The following ITGBL1 variants were observed in gnomAD, a reference collection of about 807,000 sequenced individuals.
ITGBL1 encodes integrin subunit beta like 1.
In ITGBL1, 51 loss-of-function variants were observed where a neutral mutation model predicts 68.5. That is an observed-to-expected ratio of 0.74 (90% CI 0.59 to 0.94). The LOEUF is 0.94. ITGBL1 is among the 40% of genes least tolerant of loss of function. The pLI, the probability that ITGBL1 is intolerant of heterozygous loss-of-function variation, is 0.00. For synonymous variants in ITGBL1, 209 were observed against 227.3 expected, an observed-to-expected ratio of 0.92 and a Z score of 0.72; for missense variants, 649 against 647.4, an observed-to-expected ratio of 1.00 and a Z score of -0.03.
chr13:101,708,240 A>C (rs888065190), intron 9 of ITGBL1, among the ~76,000 whole-genome samples: 3 of 152,176 alleles, frequency 2.0e-5, no homozygotes, highest in Admixed American at 6.5e-5. Context: ...TTTGCTAGTG[A>C]CTAGGAAGAC....
chr13:101,563,485 A>G (rs74372176), intron 2 of ITGBL1, among the ~76,000 whole-genome samples: 6 of 151,898 alleles, frequency 4.0e-5, no homozygotes, highest in African/African-American at 7.2e-5. Context: ...AACACTATGC[A>G]TGTTAAAAAG....
chr13:101,490,095 G>T (rs1276704089), intron 2 of ITGBL1: 7 of 793,992 alleles, frequency 8.8e-6, no homozygotes, highest in East Asian at 5.4e-5. Context: ...CTAACCCCCA[G>T]TGTGATGGTA....
chr13:101,498,897 G>A (rs2139079309), intron 2 of ITGBL1, among the ~76,000 whole-genome samples: 1 of 152,288 alleles, frequency 6.6e-6, no homozygotes, highest in South Asian at 2.1e-4. Flanking sequence ...TGGTGGAAGA[G>A]AAAAGGCACG....
intron 7 of ITGBL1, among the ~76,000 whole-genome samples, chr13:101,610,221 C>G (rs1256134870): frequency 1.3e-5 from 2 of 152,060 alleles, no homozygotes; most frequent in East Asian, 3.9e-4. Context: ...TATAAACAGG[C>G]AAACCAGATA....
intron 7 of ITGBL1, among the ~76,000 whole-genome samples, chr13:101,606,013 T>A (rs1231836609): frequency 1.4e-5 from 2 of 146,684 alleles, no homozygotes; most frequent in Non-Finnish European, 3.0e-5. Context: ...CACATATATA[T>A]GTATATATGT....
At chr13:101,538,837 C>A (rs1173111512) in intron 2 of ITGBL1, among the ~76,000 whole-genome samples, 3 of 152,006 alleles carry the variant, frequency 2.0e-5, no homozygotes, top group South Asian at 2.1e-4. Flanking sequence ...TATTATGTGA[C>A]AAACACTCTT....
intron 2 of ITGBL1, among the ~76,000 whole-genome samples, chr13:101,542,211 G>C (rs533530429): frequency 3.7e-4 from 56 of 152,160 alleles, no homozygotes; most frequent in African/African-American, 1.2e-3. Context: ...AAATTTCCCT[G>C]TACACACTAC....
chr13:101,471,664 G>A (rs912003026), intron 2 of ITGBL1, among the ~76,000 whole-genome samples: 1 of 152,090 alleles, frequency 6.6e-6, no homozygotes, highest in African/African-American at 2.4e-5. Context: ...TCTGCTGCAC[G>A]TTATTTTTAT....
At chr13:101,661,419 G>C (rs2033087493) in intron 7 of ITGBL1, among the ~76,000 whole-genome samples, 1 of 152,012 alleles carries the variant, frequency 6.6e-6, no homozygotes, top group East Asian at 1.9e-4. Flanking sequence ...GGTAGTCTTG[G>C]GTCTATCTTT....
At chr13:101,465,866 G>T (rs917601722) in intron 2 of ITGBL1, among the ~76,000 whole-genome samples, 1 of 152,178 alleles carries the variant, frequency 6.6e-6, no homozygotes, top group African/African-American at 2.4e-5. Flanking sequence ...TTATGGCTAT[G>T]GAATAAATAT....
chr13:101,461,694 CA>C (rs1566684614), intron 2 of ITGBL1, among the ~76,000 whole-genome samples: 2 of 152,050 alleles, frequency 1.3e-5, no homozygotes, highest in African/African-American at 4.8e-5. Context: ...GACCCTGTCT[CA>C]AAAAAATAAA....
At chr13:101,647,996 T>C (rs1429134829) in intron 7 of ITGBL1, among the ~76,000 whole-genome samples, 1 of 152,122 alleles carries the variant, frequency 6.6e-6, no homozygotes, top group Non-Finnish European at 1.5e-5. Flanking sequence ...CAGAAGCGTA[T>C]GGAAGTATTG....
At chr13:101,598,967 A>G (rs4257091) in intron 7 of ITGBL1, among the ~76,000 whole-genome samples, 151,171 of 152,266 alleles carry the variant, frequency 0.99, 75,046 homozygotes, top group Middle Eastern at 1. Context: ...GGGATGGCTG[A>G]GTCAAATGGT....
chr13:101,489,356 C>T (rs545040879), intron 2 of ITGBL1, among the ~76,000 whole-genome samples: 1 of 152,236 alleles, frequency 6.6e-6, no homozygotes, highest in East Asian at 1.9e-4. Context: ...AAAATCTTTC[C>T]AAAGTAGGGA....
At chr13:101,480,603 A>G (rs1240840679) in intron 2 of ITGBL1, among the ~76,000 whole-genome samples, 1 of 152,096 alleles carries the variant, frequency 6.6e-6, no homozygotes, top group Non-Finnish European at 1.5e-5. Context: ...ATTATTACAC[A>G]TTCTATGCCT....
intron 2 of ITGBL1, among the ~76,000 whole-genome samples, chr13:101,544,895 C>T (rs1053786222): frequency 6.6e-5 from 10 of 152,200 alleles, no homozygotes; most frequent in Non-Finnish European, 1.2e-4. Context: ...TTGCTAAGAC[C>T]ATTGGAAAAG....
chr13:101,627,507 G>A (rs1195293194), intron 7 of ITGBL1, among the ~76,000 whole-genome samples: 1 of 151,908 alleles, frequency 6.6e-6, no homozygotes, highest in Non-Finnish European at 1.5e-5. Context: ...TTAACTCTTG[G>A]TATTGTATTT....
chr13:101,584,430 C>T (rs4772392), intron 6 of ITGBL1, among the ~76,000 whole-genome samples: 75,195 of 151,976 alleles, frequency 0.49, 18,969 homozygotes, highest in East Asian at 0.68. Context: ...ATACATCTTG[C>T]TAAGCTTGAC....
At chr13:101,637,378 C>G (rs2032206281) in intron 7 of ITGBL1, among the ~76,000 whole-genome samples, 1 of 143,698 alleles carries the variant, frequency 7.0e-6, no homozygotes, top group African/African-American at 2.6e-5. Flanking sequence ...GAGTCTCACT[C>G]TGTCACCCAG....
Sources: allele counts gnomAD v4.1 joint callset (sites outside exome capture counted in the v4.1 genomes callset), GRCh38; gene constraint gnomAD v4.1.1; transcripts MANE v1.5; gene names NCBI Gene and HGNC (gene_info 2026-07-23, HGNC 2026-07-21).